The following ZNF169 variants were observed in gnomAD, a reference collection of about 807,000 sequenced individuals.
The protein encoded by ZNF169 is zinc finger protein 169.
In ZNF169, 11 loss-of-function variants were observed where a neutral mutation model predicts 12.0. That is an observed-to-expected ratio of 0.92 (90% CI 0.58 to 1.52). The LOEUF is 1.52. ZNF169 is among the 40% of genes most tolerant of loss of function. The pLI is 0.00. For missense variants in ZNF169, 722 were observed against 744.0 expected, an observed-to-expected ratio of 0.97 and a Z score of 0.34; for synonymous variants, 302 against 286.5, an observed-to-expected ratio of 1.05 and a Z score of -0.55.
intron 1 of ZNF169, among the ~76,000 whole-genome samples, chr9:94,276,022 C>T (rs1468949132): frequency 6.6e-6 from 1 of 152,132 alleles, no homozygotes; most frequent in Non-Finnish European, 1.5e-5. Flanking sequence ...GATACACCCG[C>T]CTCAGCCACC....
At chr9:94,279,288 G>A (rs1289658347) in intron 2 of ZNF169, among the ~76,000 whole-genome samples, 1 of 152,102 alleles carries the variant, frequency 6.6e-6, no homozygotes, top group Non-Finnish European at 1.5e-5. Context: ...CTACTAGGGA[G>A]GCTGAGGCAG....
intron 2 of ZNF169, among the ~76,000 whole-genome samples, chr9:94,283,347 G>T: frequency 6.6e-6 from 1 of 152,166 alleles, no homozygotes. Flanking sequence ...GATGGAGGTT[G>T]CAATGAGCTG....
chr9:94,278,682 C>T (rs889686499), intron 1 of ZNF169, 76 bp from the exon 2 acceptor site: 182 of 779,548 alleles, frequency 2.3e-4, no homozygotes, highest in Non-Finnish European at 2.8e-4. Flanking sequence ...CTACTCCCTA[C>T]TGAATTGGGA....
chr9:94,291,964 A>C (rs139722048), intron 2 of ZNF169, among the ~76,000 whole-genome samples: 10 of 152,254 alleles, frequency 6.6e-5, no homozygotes, highest in Non-Finnish European at 1.2e-4. Context: ...AGAGATATAG[A>C]CAAGATTATT....
At chr9:94,284,283 G>T (rs1355495169) in intron 2 of ZNF169, among the ~76,000 whole-genome samples, 1 of 151,778 alleles carries the variant, frequency 6.6e-6, no homozygotes, top group Non-Finnish European at 1.5e-5. Context: ...AAATTAGCCG[G>T]GCGTGGTGGC....
chr9:94,283,741 C>T (rs1406795344), intron 2 of ZNF169, among the ~76,000 whole-genome samples: 1 of 152,092 alleles, frequency 6.6e-6, no homozygotes, highest in African/African-American at 2.4e-5. Context: ...CAATTTTCAA[C>T]AGAGAATATC....
Position 94,300,928 on chromosome 9 carries a change from C to T in ZNF169, c.1370C>T (p.Pro457Leu). ...CAGAGGACACACACAGGGGAGAAGC[C>T]CTACCTGTGCCCTGATTGTGGGCGT... ...GHQRTHTGEK[P>L]YLCPDCGRGF... is the part of the protein sequence containing the mutation. The change falls in exon 5 of 5, where the codon CCC (proline) becomes CTC (leucine). Residue 457 changes from proline to leucine, a missense_variant. Pro to Leu is a moderately conservative substitution (Grantham distance 98). Transcript: ENST00000395395. The T allele has an allele frequency of 1.2e-6, 2 of 1,613,384 alleles. 1 individual carries two copies. Among genetic ancestry groups the T allele is most frequent in the South Asian group, 2.2e-5 (2 of 91,046 alleles).
intron 2 of ZNF169, chr9:94,288,509 TG>T: frequency 3.2e-6 from 2 of 632,700 alleles, no homozygotes; most frequent in South Asian, 1.5e-5. Context: ...AAGACATCCC[TG>T]GCAGATTTGA....
chr9:94,289,707 T>G lies in ZNF169; in HGVS notation c.34-2634T>G, dbSNP rs539584288. Among the ~76,000 whole-genome samples, 7 of 152,228 alleles carry G rather than the reference T, an allele frequency of 4.6e-5. No individual in the cohort carries two copies. The South Asian group carries it at 1.5e-3, about 32-fold the overall frequency. ...CAGGACGCTGAGGCAGGAGAATCAC[T>G]TGCATTCGGGAGGCAGAGAATGCAG... On this transcript the variant is annotated intron_variant, in intron 2 of 4. Coordinates refer to ENST00000395395, the MANE Select transcript of ZNF169 (RefSeq NM_194320.4).
intron 1 of ZNF169, among the ~76,000 whole-genome samples, chr9:94,263,783 G>GT (rs112764801): frequency 8.0e-4 from 116 of 145,050 alleles, no homozygotes; most frequent in African/African-American, 2.6e-3. Flanking sequence ...TTTGCCTCCT[G>GT]TTTTTTTTCT....
At chr9:94,269,059 G>A (rs1427363083) in intron 1 of ZNF169, among the ~76,000 whole-genome samples, 2 of 151,252 alleles carry the variant, frequency 1.3e-5, no homozygotes, top group Non-Finnish European at 2.9e-5. Flanking sequence ...GTCAACCATT[G>A]AGCTCCTAAA....
chr9:94,300,411 T>G lies in ZNF169; in HGVS notation c.853T>G (p.Ser285Ala). Reference protein sequence around the residue: ...ASLSIHQRKHSGEKPYVCREC... With the variant: ...ASLSIHQRKHAGEKPYVCREC... ...CCTCTCCATACACCAGAGGAAGCAC[T>G]CGGGGGAGAAGCCGTATGTGTGCAG... Residue 285 changes from serine (S) to alanine (A), a missense_variant, in exon 5 of 5, where the codon TCG (serine) becomes GCG (alanine). By Grantham distance (99) the Ser-to-Ala change is moderately conservative. Coordinates refer to ENST00000395395, the MANE Select transcript of ZNF169 (RefSeq NM_194320.4). 1.2e-6 allele frequency: 2 copies of G among 1,612,418 alleles called. No individual in the cohort carries two copies. The highest frequency in any genetic ancestry group is 1.7e-6 in the Non-Finnish European group (2 of 1,179,520).
chr9:94,300,271 A>G lies in ZNF169; in HGVS notation c.713A>G (p.Glu238Gly). ...FSHQKHHVCPECGRGFCQRSD... is the reference protein window; with the variant it reads ...FSHQKHHVCPGCGRGFCQRSD... ...CACCAGAAGCATCATGTGTGCCCTG[A>G]ATGCGGGAGAGGCTTTTGCCAGAGA... The change falls in exon 5 of 5, where the codon GAA becomes GGA. Residue 238 changes from glutamate (E) to glycine (G), a missense_variant. Transcript: ENST00000395395. The G allele has an allele frequency of 6.2e-7, 1 of 1,614,232 alleles. No individual in the cohort carries two copies. The highest frequency in any genetic ancestry group is 8.5e-7 in the Non-Finnish European group (1 of 1,180,030).
At chr9:94,287,693 G>A in intron 2 of ZNF169, 1 of 1,118,134 alleles carries the variant, frequency 8.9e-7, no homozygotes, top group South Asian at 1.2e-5. Context: ...ACAATACGGT[G>A]TTCATTTATG....
At chr9:94,266,932 C>T (rs557576367) in intron 1 of ZNF169, among the ~76,000 whole-genome samples, 1 of 130,678 alleles carries the variant, frequency 7.7e-6, no homozygotes, top group East Asian at 2.6e-4. Context: ...TTTTTTAAGA[C>T]AGAGTCTCAC....
chr9:94,300,807 CT>C lies in ZNF169; in HGVS notation c.1250del (p.Leu417ProfsTer99), dbSNP rs1318707206. 6.2e-7 allele frequency: 1 copy of C among 1,614,056 alleles called. No homozygotes were observed. The part of the protein sequence containing the change: ...CGHSFRQKVT[L>X]IRHQRTHTGE... ...GCACAGCTTTCGCCAAAAGGTCACTCTCATCAGGCACCAGAGGACACACACA... is the reference window on the plus strand; with the variant it reads ...GCACAGCTTTCGCCAAAAGGTCACTCCATCAGGCACCAGAGGACACACACA... On this transcript the variant is annotated frameshift_variant, in exon 5 of 5. Coordinates refer to ENST00000395395, the MANE Select transcript of ZNF169 (RefSeq NM_194320.4). LOFTEE classifies it low-confidence loss of function (END_TRUNC).
chr9:94,277,654 G>A (rs915841458), intron 1 of ZNF169, among the ~76,000 whole-genome samples: 2 of 152,012 alleles, frequency 1.3e-5, no homozygotes, highest in Non-Finnish European at 2.9e-5. Flanking sequence ...AATCAGGGCC[G>A]GGCACGGTGG....
At chr9:94,294,803 G>C (rs553197731) in intron 4 of ZNF169, 4 of 152,078 alleles carry the variant, frequency 2.6e-5, no homozygotes, top group Non-Finnish European at 5.9e-5. Flanking sequence ...TTATTGATTT[G>C]TAGAAATCCC....
chr9:94,293,710 C>A (rs949857946), intron 4 of ZNF169: 1 of 152,764 alleles, frequency 6.5e-6, no homozygotes, highest in African/African-American at 2.4e-5. Context: ...CGTGAGCCAC[C>A]ACGCCCAGCC....
Sources: allele counts gnomAD v4.1 joint callset (sites outside exome capture counted in the v4.1 genomes callset), GRCh38; gene constraint gnomAD v4.1.1; transcripts MANE v1.5; gene names NCBI Gene and HGNC (gene_info 2026-07-23, HGNC 2026-07-21).